SIRT6: variants seen among roughly 807,000 people sequenced by gnomAD.
The protein encoded by SIRT6 is NAD-dependent protein deacylase sirtuin-6.
A neutral mutation model predicts 33.6 loss-of-function variants in SIRT6; 21 were observed. The ratio of observed to expected loss-of-function variants is 0.62; its 90% CI spans 0.44 to 0.90. The LOEUF (loss-of-function observed/expected upper bound fraction) is 0.90. Among genes scored for constraint, SIRT6 ranks in the 40% least tolerant of loss-of-function variants. The pLI, the probability that SIRT6 is intolerant of heterozygous loss-of-function variation, is 0.00. For missense variants in SIRT6, 504 were observed against 510.6 expected, an observed-to-expected ratio of 0.99 and a Z score of 0.12; for synonymous variants, 221 against 223.9, an observed-to-expected ratio of 0.99 and a Z score of 0.12.
intron 1 of SIRT6, among the ~76,000 whole-genome samples, chr19:4,181,110 C>G (rs575132714): frequency 1.3e-5 from 2 of 152,208 alleles, no homozygotes; most frequent in East Asian, 3.8e-4. Context: ...GCCCTTCCCA[C>G]GGCCCACCAG....
chr19:4,181,120 G>T (rs1967628371), intron 1 of SIRT6, among the ~76,000 whole-genome samples: 2 of 152,058 alleles, frequency 1.3e-5, no homozygotes, highest in Non-Finnish European at 2.9e-5. Flanking sequence ...CGGCCCACCA[G>T]GCCCTGCACT....
chr19:4,177,883 C>T (rs564214965), intron 3 of SIRT6, among the ~76,000 whole-genome samples: 25 of 152,272 alleles, frequency 1.6e-4, no homozygotes, highest in African/African-American at 5.5e-4. Flanking sequence ...AGCCACTGTA[C>T]CCAGCCTAAT....
At chr19:4,177,251 C>T in intron 3 of SIRT6, 113 bp from the exon 4 acceptor site, 1 of 881,122 alleles carries the variant, frequency 1.1e-6, no homozygotes, top group South Asian at 1.5e-5. Flanking sequence ...ACTCCTCTCC[C>T]ACAACATTGA....
At position 4,174,846 on chromosome 19, in the gene SIRT6, C is replaced by T. The variant is rs1185902480; in HGVS notation, c.839G>A (p.Arg280His). 6 of 1,594,596 alleles carry T rather than the reference C, an allele frequency of 3.8e-6. No homozygotes were observed. The highest frequency in any genetic ancestry group is 4.5e-5 in the East Asian group (2 of 44,648). ...GGGTGGCAGCGCCCTCTCCAGCACA[C>T]GGGGGCCGTCCCAGGCGGGGATCTC... ...GLEIPAWDGP[R>H]VLERALPPLP... Residue 280 changes from arginine to histidine, a missense_variant, in exon 8 of 8, where the codon CGT becomes CAT. Arg to His is a conservative substitution (Grantham distance 29). Coordinates refer to ENST00000337491, the MANE Select transcript of SIRT6 (RefSeq NM_016539.4). The surrounding 1 kb of genome is among the most constrained non-coding windows in gnomAD (Gnocchi z 4.2).
At position 4,179,195 on chromosome 19, in the gene SIRT6, T is replaced by C. The variant is rs1967480582; in HGVS notation, c.286A>G (p.Met96Val). 2.5e-6 allele frequency: 4 copies of C among 1,612,244 alleles called. No individual in the cohort carries two copies. Among genetic ancestry groups the C allele is most frequent in the African/African-American group, 1.3e-5 (1 of 74,926 alleles). Residue 96 changes from methionine to valine, a missense_variant, in exon 3 of 8, where the codon ATG becomes GTG. Coordinates refer to ENST00000337491, the MANE Select transcript of SIRT6 (RefSeq NM_016539.4). Reference sequence around the variant, plus strand: ...ACGCGCTCCAGCTGCACCAGCGCCATGTGGGTCTGCGTGGGCCGCGCGCTC... The same window carrying C: ...ACGCGCTCCAGCTGCACCAGCGCCACGTGGGTCTGCGTGGGCCGCGCGCTC... ...FESARPTQTH[M>V]ALVQLERVGL...
At position 4,181,037 on chromosome 19, in the gene SIRT6, G is replaced by T. The variant is rs1384771494; in HGVS notation, c.67-128C>A. The T allele has an allele frequency of 5.6e-6, 7 of 1,239,580 alleles. No individual in the cohort carries two copies. In the Admixed American group the frequency reaches 1.4e-4, roughly 25 times the overall value. 76.8% of individuals were successfully genotyped at this position (1,239,580 alleles called of 1,614,324 possible). On this transcript the variant is annotated intron_variant, in intron 1 of 7. Coordinates refer to ENST00000337491, the MANE Select transcript of SIRT6 (RefSeq NM_016539.4). ...GAAAATGGATTGGAAAAGGCAGCTT[G>T]TCCTCATGCCCCTCCTCTTCCTACA...
In SIRT6 at chr19:4,180,683, C is replaced by A. The variant is rs1967574544; in HGVS notation, c.194+99G>T. ...ACCCAGGACACATCCAGGAGGAAAG[C>A]AGATGGATGTGTTCTCATTCCCAGA... On this transcript the variant is annotated intron_variant, in intron 2 of 7. Coordinates refer to ENST00000337491, the MANE Select transcript of SIRT6 (RefSeq NM_016539.4). 4 of 1,466,960 alleles carry A rather than the reference C, an allele frequency of 2.7e-6. No homozygotes were observed. The South Asian group carries it at 4.0e-5, about 15-fold the overall frequency. 90.9% of individuals were successfully genotyped at this position (1,466,960 alleles called of 1,614,324 possible).
At chr19:4,177,748 G>T (rs761648316) in intron 3 of SIRT6, among the ~76,000 whole-genome samples, 2 of 151,772 alleles carry the variant, frequency 1.3e-5, no homozygotes, top group Non-Finnish European at 2.9e-5. Context: ...CCGCCACCAC[G>T]CCGGGCTAAT....
intron 3 of SIRT6, 38 bp downstream of exon 3, chr19:4,179,066 C>T (rs765776154): frequency 1.9e-6 from 3 of 1,604,466 alleles, no homozygotes; most frequent in African/African-American, 2.7e-5. Flanking sequence ...GTTTGTGGGG[C>T]CCCAAGCTCT....
chr19:4,176,418 G>T (rs977097038), intron 4 of SIRT6, among the ~76,000 whole-genome samples: 2 of 152,188 alleles, frequency 1.3e-5, no homozygotes, highest in South Asian at 2.1e-4. Context: ...GTGAAACCCC[G>T]TCTCTACTAA....
In SIRT6 at chr19:4,175,911, C is replaced by T; in HGVS notation, c.464G>A (p.Gly155Asp). The T allele has an allele frequency of 6.4e-7, 1 of 1,570,124 alleles. No homozygotes were observed. Among genetic ancestry groups the T allele is most frequent in the Non-Finnish European group, 8.6e-7 (1 of 1,157,846 alleles). Residue 155 changes from glycine to aspartate, a missense_variant, in exon 5 of 8, where the codon GGC becomes GAC. Transcript: ENST00000337491. ...KTQYVRDTVV[G>D]TMGLKATGRL... Reference sequence around the variant, plus strand: ...GCCCGTGGCCTTCAGGCCCATGGTGCCCACGACTGTGTCTCGGACGTACTG... The same window carrying T: ...GCCCGTGGCCTTCAGGCCCATGGTGTCCACGACTGTGTCTCGGACGTACTG...
rs1453172981 is a variant in SIRT6 at position 4,178,040 on chromosome 19, T to C, written c.378-902A>G. On this transcript the variant is annotated intron_variant, in intron 3 of 7. Coordinates refer to ENST00000337491, the MANE Select transcript of SIRT6 (RefSeq NM_016539.4). ...ACCTGACCCTCCTTTGCTTTTTTTT[T>C]TTTCAAGACAGAGTCTTGCTCTGTC... 2.6e-5 allele frequency among the ~76,000 whole-genome samples: 4 copies of C among 150,974 alleles called. No individual in the cohort carries two copies. The East Asian group carries it at 7.9e-4, about 30-fold the overall frequency.
chr19:4,178,061 C>T (rs1409864395), intron 3 of SIRT6, among the ~76,000 whole-genome samples: 1 of 150,192 alleles, frequency 6.7e-6, no homozygotes, highest in Non-Finnish European at 1.5e-5. Context: ...GAGTCTTGCT[C>T]TGTCACCCAA....
chr19:4,176,952 C>T (rs1004300197), intron 4 of SIRT6, 127 bp downstream of exon 4: 17 of 643,774 alleles, frequency 2.6e-5, no homozygotes, highest in South Asian at 1.4e-4. Context: ...GAGGGAGACA[C>T]GCCCCCAGAT....
intron 6 of SIRT6, 38 bp downstream of exon 6, chr19:4,175,642 C>T (rs767475082): frequency 6.8e-6 from 10 of 1,462,822 alleles, no homozygotes; most frequent in Non-Finnish European, 9.1e-6. Flanking sequence ...CGTCCCGCCC[C>T]GCCCCACCAT....
intron 3 of SIRT6, among the ~76,000 whole-genome samples, chr19:4,177,579 A>C (rs2145167550): frequency 6.6e-6 from 1 of 152,118 alleles, no homozygotes; most frequent in East Asian, 1.9e-4. Context: ...ATTTATTTTG[A>C]GACAGAGTTT....
chr19:4,175,249 AC>A, intron 6 of SIRT6, 98 bp from the exon 7 acceptor site: 1 of 1,459,962 alleles, frequency 6.8e-7, no homozygotes, highest in Non-Finnish European at 9.1e-7. Context: ...ATCTGTGCTC[AC>A]CGGGGCGGTC....
chr19:4,179,107 G>T lies in SIRT6; in HGVS notation c.374C>A (p.Pro125His). 6.2e-7 allele frequency: 1 copy of T among 1,611,888 alleles called. No individual in the cohort carries two copies. ...GGGGGCGGGGCCAGGGTGTTACCTG[G>T]GGAAGCCTGAGCGCACATGGAGCCC... ...VDGLHVRSGFPRDKLAELHGN... is the reference protein window; with the variant it reads ...VDGLHVRSGFHRDKLAELHGN... Residue 125 changes from proline to histidine, a missense_variant, in exon 3 of 8, where the codon CCC becomes CAC. Transcript: ENST00000337491.
At chr19:4,177,232 G>A (rs1266369853) in intron 3 of SIRT6, 94 bp from the exon 4 acceptor site, 1 of 1,195,622 alleles carries the variant, frequency 8.4e-7, no homozygotes, top group African/African-American at 1.5e-5. Context: ...CTCCAGGAAG[G>A]CTTCCCGGAC....
Sources: allele counts gnomAD v4.1 joint callset (sites outside exome capture counted in the v4.1 genomes callset), GRCh38; gene constraint gnomAD v4.1.1; non-coding constraint Gnocchi (gnomAD v3.1); transcripts MANE v1.5; gene names NCBI Gene and HGNC (gene_info 2026-07-23, HGNC 2026-07-21).